Variants in RAD51D observed in about 807,000 individuals in gnomAD.
RAD51D encodes DNA repair protein RAD51 homolog 4.
RAD51D carries 38 observed loss-of-function variants against 44.1 expected under a neutral mutation model. The ratio of observed to expected loss-of-function variants is 0.86; its 90% confidence interval spans 0.67 to 1.13. The LOEUF is 1.13. RAD51D is among the 50% of genes most tolerant of loss of function. The pLI is 0.00. For synonymous variants in RAD51D, 141 were observed against 166.6 expected (o/e 0.85, Z 1.18); for missense variants, 390 against 414.0 (o/e 0.94, Z 0.50).
In RAD51D at chr17:35,099,826, G is replaced by T; in HGVS notation, c.*1127C>A. 2.0e-6 allele frequency: 1 copy of T among 497,846 alleles called. No homozygotes were observed. 30.8% of individuals were successfully genotyped at this position (497,846 alleles called of 1,614,324 possible). A position where few individuals can be genotyped will look rare whatever the true frequency, so the allele number is the denominator to read the frequency against. Reference sequence around the variant, plus strand: ...TTTTCCTTTTATTTTCCATTCCCTGGTGTCTTCGTCCCCTCCCAGCCAGGG... The same window carrying T: ...TTTTCCTTTTATTTTCCATTCCCTGTTGTCTTCGTCCCCTCCCAGCCAGGG... On this transcript the variant is annotated 3_prime_UTR_variant, in exon 10 of 10. Coordinates refer to ENST00000345365, the MANE Select transcript of RAD51D (RefSeq NM_002878.4).
At chr17:35,101,992 A>G (rs2091543993) in intron 8 of RAD51D, among the ~76,000 whole-genome samples, 1 of 152,172 alleles carries the variant, frequency 6.6e-6, no homozygotes, top group African/African-American at 2.4e-5. Context: ...GTACAGCGTT[A>G]TGAATGTATT....
At chr17:35,115,208 C>T in intron 3 of RAD51D, 1 of 501,208 alleles carries the variant, frequency 2.0e-6, no homozygotes, top group Non-Finnish European at 4.0e-6. Flanking sequence ...TGGGACTTAT[C>T]CTCTGCCTTT....
chr17:35,119,448 T>A, intron 1 of RAD51D, 84 bp downstream of exon 1: 1 of 1,442,228 alleles, frequency 6.9e-7, no homozygotes, highest in Non-Finnish European at 9.7e-7. Context: ...CCTGCAGGTA[T>A]GCCAGGGCAG....
In RAD51D at chr17:35,118,548, G is replaced by A. The variant is rs148690585; in HGVS notation, c.216C>T (p.Tyr72=). Residue 72 remains tyrosine, a synonymous_variant, in exon 3 of 10, where the codon TAC becomes TAT. Transcript: ENST00000345365. ...SAFPVNGADL[Y]EELKTSTAIL... ...TGGCAGTGGAGGTCTTCAGTTCCTC[G>A]TAGAGATCAGCGCCATTCACGGGGA... The A allele has an allele frequency of 6.4e-5, 104 of 1,614,160 alleles. No homozygotes were observed. The African/African-American group carries it at 7.2e-4, about 11-fold the overall frequency.
rs1020323605 is a variant in RAD51D at position 35,097,662 on chromosome 17, C to T, written c.*3291G>A. ...CCCCTGAGATAGAGCCAGTCCTTTGCTTTTTTAAAATATATTTTTAAAACA... is the reference window on the plus strand; with the variant it reads ...CCCCTGAGATAGAGCCAGTCCTTTGTTTTTTTAAAATATATTTTTAAAACA... On this transcript the variant is annotated 3_prime_UTR_variant, in exon 10 of 10. Transcript: ENST00000345365. 2.0e-5 allele frequency: 3 copies of T among 152,018 alleles called. No homozygotes were observed. Among genetic ancestry groups the T allele is most frequent in the African/African-American group, 7.2e-5 (3 of 41,382 alleles). 9.4% of individuals were successfully genotyped at this position (152,018 alleles called of 1,614,324 possible). A position where few individuals can be genotyped will look rare whatever the true frequency, so the allele number is the denominator to read the frequency against.
chr17:35,107,396 A>G lies in RAD51D; in HGVS notation c.315T>C (p.Ile105=), dbSNP rs1305215479. The G allele has an allele frequency of 6.4e-7, 1 of 1,566,124 alleles. No homozygotes were observed. The highest frequency in any genetic ancestry group is 8.8e-7 in the Non-Finnish European group (1 of 1,136,582). Reference sequence around the variant, plus strand: ...TTTTGCCGCTACCTGGGCCTCCTACAATTTCAGTCACTTCTCCAGTATAGA... The same window carrying G: ...TTTTGCCGCTACCTGGGCCTCCTACGATTTCAGTCACTTCTCCAGTATAGA... ...AGLYTGEVTE[I]VGGPGSGKTQ... The change falls in exon 4 of 10, where the codon ATT becomes ATC. Residue 105 remains isoleucine (I), a synonymous_variant. Transcript: ENST00000345365.
At chr17:35,102,567 T>C (rs1483815272) in intron 8 of RAD51D, among the ~76,000 whole-genome samples, 1 of 151,246 alleles carries the variant, frequency 6.6e-6, no homozygotes, top group Non-Finnish European at 1.5e-5. Context: ...AAGGTCGAGC[T>C]GCAGTGAGCT....
At position 35,093,645 on chromosome 17, in the gene RAD51D, A is replaced by G. The variant is rs2091469827; in HGVS notation, c.*7308T>C. 1 of 152,236 alleles carries G rather than the reference A, an allele frequency of 6.6e-6. No individual in the cohort carries two copies. The highest frequency in any genetic ancestry group is 1.5e-5 in the Non-Finnish European group (1 of 68,044). 9.4% of individuals were successfully genotyped at this position (152,236 alleles called of 1,614,324 possible). A position where few individuals can be genotyped will look rare whatever the true frequency, so the allele number is the denominator to read the frequency against. On this transcript the variant is annotated 3_prime_UTR_variant, in exon 10 of 10. Transcript: ENST00000345365. ...CATAAAGAGCAGCTACGTGGAACCTAAGGCATCTAACTCAGTAAAATATTG... is the reference window on the plus strand; with the variant it reads ...CATAAAGAGCAGCTACGTGGAACCTGAGGCATCTAACTCAGTAAAATATTG...
intron 3 of RAD51D, among the ~76,000 whole-genome samples, chr17:35,112,279 T>C (rs2091687009): frequency 6.6e-6 from 1 of 152,184 alleles, no homozygotes; most frequent in South Asian, 2.1e-4. Context: ...GGTTTCTCTG[T>C]GTTAGCCAGG....
chr17:35,103,013 T>C lies in RAD51D; in HGVS notation c.738+241A>G, dbSNP rs979634527. 1.3e-5 allele frequency among the ~76,000 whole-genome samples: 2 copies of C among 152,162 alleles called. No individual in the cohort carries two copies. Among genetic ancestry groups the C allele is most frequent in the Admixed American group, 1.3e-4 (2 of 15,272 alleles). ...GGAGAAAGTTACTCTATGTAAATTA[T>C]ACCTCAATAAACCTGACTAAAAAGA... On this transcript the variant is annotated intron_variant, in intron 8 of 9. Transcript: ENST00000345365. The surrounding 1 kb of genome is among the most constrained non-coding windows in gnomAD (Gnocchi z 4.1).
rs747751487 is a variant in RAD51D at position 35,099,362 on chromosome 17, T to C, written c.*1591A>G. 6.6e-5 allele frequency: 11 copies of C among 165,896 alleles called. No individual in the cohort carries two copies. The highest frequency in any genetic ancestry group is 1.2e-4 in the African/African-American group (5 of 41,624). The allele number at this position is 165,896 out of a possible 1,614,324, so 10.3% of individuals were successfully genotyped here. A position where few individuals can be genotyped will look rare whatever the true frequency, so the allele number is the denominator to read the frequency against. On this transcript the variant is annotated 3_prime_UTR_variant, in exon 10 of 10. Transcript: ENST00000345365. ...CACAAAAAAGAGTGCTTGTGCCCGA[T>C]TGGTCATGTCTGCTGTGGGCTGAAG...
At chr17:35,115,961 G>GAAAGAA (rs1438935570) in intron 3 of RAD51D, among the ~76,000 whole-genome samples, 2 of 128,280 alleles carry the variant, frequency 1.6e-5, no homozygotes, top group African/African-American at 2.8e-5. Flanking sequence ...AGAAAGGAAA[G>GAAAGAA]AAAGAAAGAA....
At chr17:35,113,155 G>T (rs1215534584) in intron 3 of RAD51D, among the ~76,000 whole-genome samples, 1 of 152,124 alleles carries the variant, frequency 6.6e-6, no homozygotes, top group Admixed American at 6.6e-5. Flanking sequence ...GATCACATGC[G>T]TACCTTTCCT....
At chr17:35,106,003 T>C (rs2091598193) in intron 6 of RAD51D, 1 of 425,222 alleles carries the variant, frequency 2.4e-6, no homozygotes, top group Non-Finnish European at 4.7e-6. Flanking sequence ...GACACACAAA[T>C]CTATTGCCCT....
chr17:35,117,856 A>AT (rs1393134106), intron 3 of RAD51D, among the ~76,000 whole-genome samples: 2 of 152,234 alleles, frequency 1.3e-5, no homozygotes, highest in East Asian at 3.9e-4. Flanking sequence ...GATGTGGTGA[A>AT]TAAGTTCTGG....
intron 3 of RAD51D, among the ~76,000 whole-genome samples, chr17:35,110,687 T>C (rs1597866813): frequency 6.6e-6 from 1 of 152,238 alleles, no homozygotes; most frequent in African/African-American, 2.4e-5. Context: ...ACATTGTTTC[T>C]GTACCCTTGT....
chr17:35,116,946 A>G (rs1362815142), intron 3 of RAD51D: 1 of 1,613,622 alleles, frequency 6.2e-7, no homozygotes, highest in Non-Finnish European at 8.5e-7. Context: ...TGCCTTCTTC[A>G]GAGCATTCCT....
chr17:35,114,836 C>A (rs1597871561), intron 3 of RAD51D, among the ~76,000 whole-genome samples: 1 of 152,306 alleles, frequency 6.6e-6, no homozygotes, highest in East Asian at 1.9e-4. Flanking sequence ...AGTTTGGGAA[C>A]CACTGACCTA....
chr17:35,116,323 G>C (rs143705299), intron 3 of RAD51D, among the ~76,000 whole-genome samples: 63 of 152,272 alleles, frequency 4.1e-4, no homozygotes, highest in African/African-American at 1.4e-3. Context: ...CGCCTCCAGG[G>C]AGACAGCCGG....
Sources: gnomAD v4.1 joint callset for allele counts (sites outside exome capture counted in the v4.1 genomes callset) on GRCh38, gnomAD v4.1.1 for gene constraint, Gnocchi (gnomAD v3.1) non-coding constraint, MANE v1.5 for transcripts, NCBI Gene and HGNC (gene_info 2026-07-23, HGNC 2026-07-21) for gene names.